The following CASK variants were observed in gnomAD, a reference collection of about 807,000 sequenced individuals.
The protein encoded by CASK is calcium/calmodulin dependent serine protein kinase.
In CASK, 4 loss-of-function variants were observed where a neutral mutation model predicts 82.9. That is an observed-to-expected ratio of 0.05 (90% CI 0.02 to 0.11). CASK has a LOEUF of 0.11. CASK is among the 10% of genes least tolerant of loss of function. The probability of loss-of-function intolerance (pLI) is 1.00; values close to 1 mark genes in which losing one functional copy is unlikely to be tolerated. For missense variants in CASK, 358 were observed against 720.9 expected, an observed-to-expected ratio of 0.50 and a Z score of 5.76; for synonymous variants, 259 against 253.5, an observed-to-expected ratio of 1.02 and a Z score of -0.20.
chrX:41,541,082 T>C (rs1384143245), intron 22 of CASK, among the ~76,000 whole-genome samples: 1 of 112,643 alleles, frequency 8.9e-6, no homozygotes, highest in South Asian at 3.6e-4. Context: ...TCAATTTATA[T>C]GTCAACACAT....
intron 5 of CASK, among the ~76,000 whole-genome samples, chrX:41,714,494 T>C (rs773353665): frequency 7.1e-5 from 8 of 112,257 alleles, no homozygotes; most frequent in African/African-American, 2.6e-4. Flanking sequence ...AACACCCTTG[T>C]AGCAATATTA....
chrX:41,557,012 T>A lies in CASK; in HGVS notation c.1806+20A>T, dbSNP rs765060868. The A allele has an allele frequency of 8.3e-5, 98 of 1,180,507 alleles. No individual in the cohort carries two copies. The highest frequency in any genetic ancestry group is 1.1e-4 in the Non-Finnish European group (92 of 868,211). ...CCAACAAAATTGTCACACTTTGCTG[T>A]GTGGAGCTAAAGTTCTTACCGAAAC... On this transcript the variant is annotated intron_variant, in intron 19 of 26. Transcript: ENST00000378163.
At chrX:41,813,748 T>C (rs892617771) in intron 2 of CASK, among the ~76,000 whole-genome samples, 4 of 111,721 alleles carry the variant, frequency 3.6e-5, no homozygotes, top group African/African-American at 1.3e-4. Flanking sequence ...AAATGGGATC[T>C]AATTAAACTA....
chrX:41,889,110 A>G (rs1349034907), intron 1 of CASK, among the ~76,000 whole-genome samples: 1 of 108,982 alleles, frequency 9.2e-6, no homozygotes, highest in East Asian at 2.9e-4. Context: ...GTTGAGAACT[A>G]GAAATGACAT....
At chrX:41,826,546 C>T (rs1016854289) in intron 2 of CASK, among the ~76,000 whole-genome samples, 17 of 111,844 alleles carry the variant, frequency 1.5e-4, no homozygotes, top group Middle Eastern at 4.7e-3. Context: ...CATCTTGGCT[C>T]ACTGCAATTC....
intron 2 of CASK, among the ~76,000 whole-genome samples, chrX:41,829,696 GATATATATATATAT>G (rs55730177): frequency 4.8e-3 from 78 of 16,247 alleles, no homozygotes; most frequent in Middle Eastern, 0.1. Flanking sequence ...TAGGTCACAA[GATATATATATATAT>G]ATATATATAT....
chrX:41,773,915 T>C (rs5964045), intron 3 of CASK, among the ~76,000 whole-genome samples: 20,162 of 111,193 alleles, frequency 0.18, 1,541 homozygotes, highest in Middle Eastern at 0.31. Context: ...CTTTCTACTA[T>C]TGTAGACTTT....
At chrX:41,727,851 A>G in intron 5 of CASK, 1 of 1,194,247 alleles carries the variant, frequency 8.4e-7, no homozygotes, top group East Asian at 3.0e-5. Flanking sequence ...TTTATGTTCT[A>G]CACCAAAGAG....
chrX:41,804,020 A>G (rs966190408), intron 2 of CASK, among the ~76,000 whole-genome samples: 3 of 111,728 alleles, frequency 2.7e-5, no homozygotes, highest in Non-Finnish European at 5.6e-5. Flanking sequence ...GAACCAGAAT[A>G]GAACTTTCTA....
At chrX:41,662,131 C>G (rs1423453723) in intron 7 of CASK, among the ~76,000 whole-genome samples, 1 of 111,280 alleles carries the variant, frequency 9.0e-6, no homozygotes, top group Non-Finnish European at 1.9e-5. Flanking sequence ...GAGATTGAAT[C>G]TATACGGGGG....
At chrX:41,603,411 C>A in intron 12 of CASK, among the ~76,000 whole-genome samples, 1 of 111,933 alleles carries the variant, frequency 8.9e-6, no homozygotes, top group South Asian at 3.7e-4. Context: ...TTGTAGTTTT[C>A]CATGGCTAAC....
At chrX:41,863,060 A>C (rs1206488976) in intron 1 of CASK, among the ~76,000 whole-genome samples, 1 of 112,324 alleles carries the variant, frequency 8.9e-6, no homozygotes, top group Non-Finnish European at 1.9e-5. Context: ...GACATCAACA[A>C]CTGTCATTTA....
chrX:41,727,174 AC>A, intron 5 of CASK: 1 of 1,207,561 alleles, frequency 8.3e-7, no homozygotes, highest in African/African-American at 1.7e-5. Flanking sequence ...AAAAACATCA[AC>A]GCACATCTAC....
intron 12 of CASK, among the ~76,000 whole-genome samples, chrX:41,595,984 G>A (rs2065814517): frequency 9.0e-6 from 1 of 110,909 alleles, no homozygotes; most frequent in Non-Finnish European, 1.9e-5. Flanking sequence ...CACCTGAGGT[G>A]AGGAGTTCGA....
chrX:41,781,017 TG>T (rs1172361542), intron 3 of CASK, among the ~76,000 whole-genome samples: 13 of 111,144 alleles, frequency 1.2e-4, no homozygotes, highest in Non-Finnish European at 1.9e-5. Flanking sequence ...CTTGGTTCAC[TG>T]CAATTTCTGC....
intron 2 of CASK, among the ~76,000 whole-genome samples, chrX:41,811,670 T>A (rs188551029): frequency 1.3e-4 from 15 of 111,414 alleles, no homozygotes; most frequent in African/African-American, 4.2e-4. Flanking sequence ...AATATCACAA[T>A]TAAAAGAACT....
At chrX:41,585,950 G>C (rs1028199778) in intron 14 of CASK, 20 of 110,283 alleles carry the variant, frequency 1.8e-4, no homozygotes, top group Non-Finnish European at 3.2e-4. Context: ...AGGAGTTCTA[G>C]ACCAGCCTGG....
intron 17 of CASK, among the ~76,000 whole-genome samples, chrX:41,561,194 A>G (rs1055249323): frequency 9.0e-6 from 1 of 111,494 alleles, no homozygotes; most frequent in Non-Finnish European, 1.9e-5. Flanking sequence ...ACTCAGCTCA[A>G]CAGGAAAGAG....
At chrX:41,592,825 C>T (rs1053691126) in intron 12 of CASK, among the ~76,000 whole-genome samples, 4 of 111,688 alleles carry the variant, frequency 3.6e-5, no homozygotes, top group South Asian at 3.8e-4. Flanking sequence ...AACAATCCTA[C>T]GCAGTTGGTT....
Sources: allele counts gnomAD v4.1 joint callset (sites outside exome capture counted in the v4.1 genomes callset), GRCh38; gene constraint gnomAD v4.1.1; transcripts MANE v1.5; gene names NCBI Gene and HGNC (gene_info 2026-07-23, HGNC 2026-07-21).